PLVAP: variants seen among roughly 807,000 people sequenced by gnomAD.
PLVAP encodes plasmalemma vesicle-associated protein.
Under a neutral mutation model 43.1 loss-of-function variants are expected in PLVAP, and 34 were observed. The ratio of observed to expected loss-of-function variants is 0.79; its 90% CI spans 0.60 to 1.05. The LOEUF (loss-of-function observed/expected upper bound fraction) is 1.05. PLVAP is among the 50% of genes least tolerant of loss of function. The pLI is 0.00. For missense variants in PLVAP, 574 were observed against 593.4 expected (o/e 0.97, Z 0.34); for synonymous variants, 241 against 237.3 (o/e 1.02, Z -0.14).
chr19:17,365,180 A>T (rs2074543362), intron 3 of PLVAP, 106 bp downstream of exon 3: 2 of 1,011,104 alleles, frequency 2.0e-6, no homozygotes, highest in Non-Finnish European at 2.9e-6. Flanking sequence ...CCCAACCTAG[A>T]CCAGGAAGCC....
At chr19:17,354,681 G>A (rs1335261982) in intron 5 of PLVAP, among the ~76,000 whole-genome samples, 1 of 150,422 alleles carries the variant, frequency 6.6e-6, no homozygotes, top group Admixed American at 6.6e-5. Flanking sequence ...GGCGGATCAC[G>A]AGATGAGGAG....
At chr19:17,352,972 C>G (rs12979749) in intron 5 of PLVAP, among the ~76,000 whole-genome samples, 12,464 of 152,194 alleles carry the variant, frequency 0.082, 617 homozygotes, top group East Asian at 0.16. Flanking sequence ...AGCCATCACA[C>G]TGCTTCCGCA....
chr19:17,361,437 A>T (rs984854230), intron 3 of PLVAP, among the ~76,000 whole-genome samples: 1 of 152,078 alleles, frequency 6.6e-6, no homozygotes, highest in African/African-American at 2.4e-5. Flanking sequence ...CCCTGTCTCC[A>T]TCACAGCCTC....
At chr19:17,376,107 T>C (rs2074594302) in intron 1 of PLVAP, among the ~76,000 whole-genome samples, 1 of 150,850 alleles carries the variant, frequency 6.6e-6, no homozygotes, top group Admixed American at 6.6e-5. Flanking sequence ...GAGCCCAGGA[T>C]GTCAAGGCTT....
intron 1 of PLVAP, among the ~76,000 whole-genome samples, chr19:17,373,293 G>A (rs975762039): frequency 2.0e-5 from 3 of 151,866 alleles, no homozygotes; most frequent in Non-Finnish European, 2.9e-5. Context: ...CTGGGGAGAC[G>A]GTGCTTTGCC....
At chr19:17,376,788 A>T in intron 1 of PLVAP, 132 bp downstream of exon 1, 1 of 946,934 alleles carries the variant, frequency 1.1e-6, no homozygotes, top group East Asian at 2.6e-5. Context: ...ACGGAGCGAG[A>T]CTCTGTCTCA....
chr19:17,370,669 C>A (rs755625924), intron 1 of PLVAP, among the ~76,000 whole-genome samples: 3 of 151,874 alleles, frequency 2.0e-5, no homozygotes, highest in Non-Finnish European at 2.9e-5. Flanking sequence ...CTGATGGGGA[C>A]GTGGGTTTTC....
chr19:17,373,164 G>A (rs79607374), intron 1 of PLVAP, among the ~76,000 whole-genome samples: 6,651 of 150,620 alleles, frequency 0.044, 279 homozygotes, highest in Admixed American at 0.12. Context: ...GAGGATCTAA[G>A]GGGCAGGCAG....
intron 5 of PLVAP, among the ~76,000 whole-genome samples, chr19:17,356,313 GA>G (rs1317886223): frequency 6.6e-6 from 1 of 152,146 alleles, no homozygotes; most frequent in East Asian, 1.9e-4. Context: ...CATCTAAAAA[GA>G]AAAAGAAAGA....
intron 3 of PLVAP, among the ~76,000 whole-genome samples, chr19:17,365,062 T>C (rs996895088): frequency 5.9e-5 from 9 of 152,072 alleles, no homozygotes; most frequent in Admixed American, 2.0e-4. Flanking sequence ...CATGAGCCAC[T>C]GCGCACGGCA....
Position 17,373,138 on chromosome 19 carries a change from G to A in PLVAP, c.369+3782C>T, listed in dbSNP as rs376946502. Among the ~76,000 whole-genome samples, 7 of 151,254 alleles carry A rather than the reference G, an allele frequency of 4.6e-5. 1 individual carries two copies. The highest frequency in any genetic ancestry group is 1.5e-4 in the African/African-American group (6 of 41,260). ...AGCCAGGTTCAGGTCTGAGAGGGGA[G>A]GCAGGGCTCTAATCTGAGGATCTAA... On this transcript the variant is annotated intron_variant, in intron 1 of 5. Transcript: ENST00000252590.
chr19:17,372,556 A>AAG, intron 1 of PLVAP, among the ~76,000 whole-genome samples: 1 of 149,340 alleles, frequency 6.7e-6, no homozygotes, highest in Non-Finnish European at 1.5e-5. Flanking sequence ...TCCCGGGTTC[A>AAG]TGCCATTCTC....
chr19:17,353,920 T>C (rs2074495780), intron 5 of PLVAP, among the ~76,000 whole-genome samples: 1 of 74,468 alleles, frequency 1.3e-5, no homozygotes, highest in Non-Finnish European at 3.3e-5. Flanking sequence ...GACACACGAA[T>C]CATCAGAGGC....
chr19:17,377,297 T>C lies in PLVAP; in HGVS notation c.-9A>G. ...TCCATGGCCAGACCCATTTGCTCGA[T>C]CCCGCCGTCCGGTGCACCGTCCCTG... On this transcript the variant is annotated 5_prime_UTR_variant, in exon 1 of 6. Transcript: ENST00000252590. The C allele has an allele frequency of 6.2e-7, 1 of 1,600,708 alleles. No individual in the cohort carries two copies. Among genetic ancestry groups the C allele is most frequent in the Non-Finnish European group, 8.5e-7 (1 of 1,172,116 alleles).
intron 5 of PLVAP, among the ~76,000 whole-genome samples, chr19:17,353,007 C>G (rs552959025): frequency 1.3e-5 from 2 of 152,222 alleles, no homozygotes; most frequent in African/African-American, 2.4e-5. Flanking sequence ...CGCCTTTGCA[C>G]GATCGGAGTT....
chr19:17,359,681 C>G (rs532283257), intron 5 of PLVAP, among the ~76,000 whole-genome samples: 3 of 143,698 alleles, frequency 2.1e-5, no homozygotes, highest in Non-Finnish European at 4.5e-5. Flanking sequence ...CGTAAGCCAC[C>G]GTACCCGGCC....
intron 1 of PLVAP, among the ~76,000 whole-genome samples, chr19:17,369,630 A>G (rs1477302806): frequency 1.9e-5 from 2 of 105,960 alleles, no homozygotes; most frequent in East Asian, 3.2e-4. Context: ...GTGAGACTCT[A>G]TGTCCAAAAA....
intron 1 of PLVAP, among the ~76,000 whole-genome samples, chr19:17,373,796 C>A (rs958949992): frequency 6.6e-6 from 1 of 152,104 alleles, no homozygotes; most frequent in Admixed American, 6.6e-5. Context: ...CCCAGAGAGC[C>A]CGCCTGTTTC....
At chr19:17,375,528 C>G (rs558798674) in intron 1 of PLVAP, among the ~76,000 whole-genome samples, 3 of 151,608 alleles carry the variant, frequency 2.0e-5, no homozygotes, top group African/African-American at 7.3e-5. Flanking sequence ...GAGGGTGAGC[C>G]TAGGAGTTCA....
Sources: gnomAD v4.1 joint callset for allele counts (sites outside exome capture counted in the v4.1 genomes callset) on GRCh38, gnomAD v4.1.1 for gene constraint, MANE v1.5 for transcripts, NCBI Gene and HGNC (gene_info 2026-07-23, HGNC 2026-07-21) for gene names.